COL19A1: variants seen among roughly 807,000 people sequenced by gnomAD.
COL19A1 encodes collagen type XIX alpha 1 chain, also known as collagen alpha-1(XIX) chain.
COL19A1 carries 159 observed loss-of-function variants against 190.2 expected under a neutral mutation model. That is an observed-to-expected ratio of 0.84 (90% CI 0.73 to 0.95). The LOEUF is 0.95. COL19A1 is among the 40% of genes least tolerant of loss of function. The probability of loss-of-function intolerance (pLI) is 0.00; values close to 1 mark genes in which losing one functional copy is unlikely to be tolerated. For synonymous variants in COL19A1, 509 were observed against 458.9 expected, an observed-to-expected ratio of 1.11 and a Z score of -1.39; for missense variants, 1,418 against 1,431.9, an observed-to-expected ratio of 0.99 and a Z score of 0.16.
chr6:70,209,360 A>C lies in COL19A1; in HGVS notation c.*2086A>C, dbSNP rs1029349970. The C allele has an allele frequency of 2.0e-5, 3 of 152,234 alleles. No homozygotes were observed. The highest frequency in any genetic ancestry group is 6.6e-5 in the Admixed American group (1 of 15,266). The allele number at this position is 152,234 out of a possible 1,614,324, so 9.4% of individuals were successfully genotyped here. On this transcript the variant is annotated 3_prime_UTR_variant, in exon 51 of 51. Coordinates refer to ENST00000620364, the MANE Select transcript of COL19A1 (RefSeq NM_001858.6). Reference sequence around the variant, plus strand: ...CCTGTTTGCTAATTTAAAAATATTTATTTTATCATTTTAATGTTTTCATGG... The same window carrying C: ...CCTGTTTGCTAATTTAAAAATATTTCTTTTATCATTTTAATGTTTTCATGG...
chr6:69,931,855 C>T (rs1772781478), intron 6 of COL19A1, among the ~76,000 whole-genome samples: 1 of 151,836 alleles, frequency 6.6e-6, no homozygotes, highest in Non-Finnish European at 1.5e-5. Context: ...AGATTTTTCC[C>T]CCCTTTTTGC....
intron 48 of COL19A1, among the ~76,000 whole-genome samples, chr6:70,195,123 A>G (rs1394140493): frequency 7.3e-6 from 1 of 137,304 alleles, no homozygotes; most frequent in East Asian, 2.0e-4. Context: ...TCTGATAAAT[A>G]TACATCATTG....
intron 24 of COL19A1, 58 bp downstream of exon 24, chr6:70,144,321 G>T: frequency 7.3e-7 from 1 of 1,367,542 alleles, no homozygotes; most frequent in Non-Finnish European, 1.0e-6. Context: ...AGAGACAGAG[G>T]ATCATAAGGG....
In COL19A1 at chr6:70,141,893, G is replaced by C; in HGVS notation, c.1483G>C (p.Gly495Arg). Residue 495 changes from glycine (G) to arginine (R), a missense_variant and splice_region_variant, in exon 21 of 51, where the codon GGA (glycine) becomes CGA (arginine). Physicochemically the swap from Gly to Arg is moderately radical, Grantham distance 125 (BLOSUM62 -2). Transcript: ENST00000620364. ...PFTKGEKGDR[G>R]EPGVIGSQGV... is the part of the protein sequence containing the mutation. ...CTTATAGTAATTATTTTATTTACAG[G>C]GAGAACCTGGGGTAATAGGATCACA... The C allele has an allele frequency of 6.3e-7, 1 of 1,580,158 alleles. No homozygotes were observed. The highest frequency in any genetic ancestry group is 8.7e-7 in the Non-Finnish European group (1 of 1,149,790).
At chr6:69,930,651 T>C (rs1038973532) in intron 6 of COL19A1, among the ~76,000 whole-genome samples, 3 of 151,974 alleles carry the variant, frequency 2.0e-5, no homozygotes, top group African/African-American at 7.2e-5. Context: ...ACCCTGTCTC[T>C]ACTAAAAATA....
At chr6:69,903,939 G>A (rs1005446668) in intron 4 of COL19A1, among the ~76,000 whole-genome samples, 1 of 152,178 alleles carries the variant, frequency 6.6e-6, no homozygotes, top group Non-Finnish European at 1.5e-5. Flanking sequence ...ATAAGATCAT[G>A]ACACATGGTG....
At chr6:70,205,617 A>G (rs1229150475) in intron 49 of COL19A1, among the ~76,000 whole-genome samples, 1 of 152,084 alleles carries the variant, frequency 6.6e-6, no homozygotes, top group Non-Finnish European at 1.5e-5. Flanking sequence ...GGAAATAAAA[A>G]CTCTATTTGC....
intron 15 of COL19A1, among the ~76,000 whole-genome samples, chr6:70,081,080 G>T (rs1782219080): frequency 1.3e-5 from 2 of 151,838 alleles, no homozygotes; most frequent in Non-Finnish European, 2.9e-5. Flanking sequence ...TTTTAATTTT[G>T]TCAAAATTGC....
At chr6:70,005,245 T>C (rs965521846) in intron 11 of COL19A1, among the ~76,000 whole-genome samples, 1 of 152,188 alleles carries the variant, frequency 6.6e-6, no homozygotes, top group Admixed American at 6.5e-5. Context: ...CCTTTTGAGT[T>C]TTCAACATTT....
chr6:69,923,771 G>T (rs964206423), intron 4 of COL19A1, among the ~76,000 whole-genome samples: 1 of 152,138 alleles, frequency 6.6e-6, no homozygotes, highest in Non-Finnish European at 1.5e-5. Context: ...AAAACTCCAA[G>T]CTCTGAACAA....
chr6:69,930,380 G>T (rs1772679878), intron 6 of COL19A1, among the ~76,000 whole-genome samples: 1 of 152,040 alleles, frequency 6.6e-6, no homozygotes, highest in Admixed American at 6.6e-5. Flanking sequence ...TTTGATGGCT[G>T]CACGTTTTCT....
chr6:70,169,198 G>A (rs1039064304), intron 40 of COL19A1, among the ~76,000 whole-genome samples: 3 of 152,182 alleles, frequency 2.0e-5, no homozygotes, highest in African/African-American at 7.2e-5. Flanking sequence ...CATGGAAGGA[G>A]ATCATGTCCT....
At chr6:70,162,029 TTGCCTTTTGTTCTCTG>T in intron 35 of COL19A1, 76 bp downstream of exon 35, 4 of 1,355,698 alleles carry the variant, frequency 3.0e-6, no homozygotes, top group Non-Finnish European at 4.1e-6. Context: ...ATTTTCTTCA[TTGCCTTTTGTTCTCTG>T]TGCCTCTATG....
At chr6:69,919,018 C>T (rs1176430693) in intron 4 of COL19A1, among the ~76,000 whole-genome samples, 1 of 152,176 alleles carries the variant, frequency 6.6e-6, no homozygotes, top group African/African-American at 2.4e-5. Context: ...CAAGGTTTAT[C>T]TTGGTTGCAT....
intron 16 of COL19A1, among the ~76,000 whole-genome samples, chr6:70,113,516 T>A (rs1256745070): frequency 6.6e-6 from 1 of 152,232 alleles, no homozygotes; most frequent in Non-Finnish European, 1.5e-5. Context: ...ATATACTCTC[T>A]TGATTAGCTA....
chr6:69,977,204 G>A (rs534926906), intron 11 of COL19A1, among the ~76,000 whole-genome samples: 88 of 152,072 alleles, frequency 5.8e-4, no homozygotes, highest in African/African-American at 1.7e-3. Context: ...AAAATGTAGC[G>A]CATATACACC....
At chr6:70,002,561 A>G (rs1777327769) in intron 11 of COL19A1, among the ~76,000 whole-genome samples, 1 of 151,522 alleles carries the variant, frequency 6.6e-6, no homozygotes, top group African/African-American at 2.4e-5. Context: ...TTCATGGTCT[A>G]TTCATCCTGG....
intron 47 of COL19A1, among the ~76,000 whole-genome samples, chr6:70,189,905 A>C (rs2150296474): frequency 6.6e-6 from 1 of 152,310 alleles, no homozygotes; most frequent in African/African-American, 2.4e-5. Context: ...ACATTATATC[A>C]ATTAGATATT....
At chr6:70,066,526 A>AAC (rs1483603876) in intron 14 of COL19A1, among the ~76,000 whole-genome samples, 1 of 152,176 alleles carries the variant, frequency 6.6e-6, no homozygotes, top group Non-Finnish European at 1.5e-5. Context: ...GCAGCACACC[A>AAC]ACATGGCACA....
Sources: allele counts gnomAD v4.1 joint callset (sites outside exome capture counted in the v4.1 genomes callset), GRCh38; gene constraint gnomAD v4.1.1; transcripts MANE v1.5; gene names NCBI Gene and HGNC (gene_info 2026-07-23, HGNC 2026-07-21).